SAR1B: variants seen among roughly 807,000 people sequenced by gnomAD.
SAR1B encodes small COPII coat GTPase SAR1B.
SAR1B carries 23 observed loss-of-function variants against 26.8 expected under a neutral mutation model. The ratio of observed to expected loss-of-function variants is 0.86; its 90% CI spans 0.62 to 1.22. The LOEUF (loss-of-function observed/expected upper bound fraction) is 1.22. Among genes scored for constraint, SAR1B ranks in the 50% most tolerant of loss-of-function variants. The pLI is 0.00. For missense variants in SAR1B, 196 were observed against 232.8 expected (o/e 0.84, Z 1.03); for synonymous variants, 65 against 80.8 (o/e 0.80, Z 1.05).
At position 134,609,604 on chromosome 5, in the gene SAR1B, G is replaced by A. The variant is rs757362450; in HGVS notation, c.315C>T (p.His105=). ...CTTCTTTTGACTCTAACAGCCTTTC[G>A]TGGTCTGCACAATCCACCAGAAATA... ...GIVFLVDCAD[H]ERLLESKEEL... is the part of the protein sequence containing the mutation. The change falls in exon 5 of 7, where the codon CAC becomes CAT. Residue 105 remains histidine, a synonymous_variant. Transcript: ENST00000402673. The A allele has an allele frequency of 8.1e-6, 13 of 1,613,868 alleles. No individual in the cohort carries two copies. In the East Asian group the frequency reaches 1.1e-4, roughly 14 times the overall value.
chr5:134,627,091 G>A (rs1280917331), intron 1 of SAR1B, among the ~76,000 whole-genome samples: 2 of 151,378 alleles, frequency 1.3e-5, no homozygotes, highest in African/African-American at 4.9e-5. Flanking sequence ...CTCGCCTGTC[G>A]CCCAGGATGG....
chr5:134,610,304 A>G (rs961555452), intron 4 of SAR1B, among the ~76,000 whole-genome samples: 2 of 151,970 alleles, frequency 1.3e-5, no homozygotes, highest in Admixed American at 6.6e-5. Flanking sequence ...TCATCTCTAC[A>G]AAAAAACACA....
intron 1 of SAR1B, among the ~76,000 whole-genome samples, chr5:134,628,913 C>T (rs1765548911): frequency 6.6e-6 from 1 of 151,982 alleles, no homozygotes; most frequent in African/African-American, 2.4e-5. Context: ...CTCGGTGTCC[C>T]AAAGTGCTGG....
intron 4 of SAR1B, among the ~76,000 whole-genome samples, chr5:134,612,291 AC>A (rs1295192241): frequency 6.6e-6 from 1 of 152,132 alleles, no homozygotes; most frequent in African/African-American, 2.4e-5. Flanking sequence ...CATGAAAATC[AC>A]CCTTTGCTTT....
chr5:134,613,373 A>G (rs1765252148), intron 3 of SAR1B: 1 of 152,302 alleles, frequency 6.6e-6, no homozygotes. Flanking sequence ...CCTTTACAGC[A>G]CCAGGGAACA....
In SAR1B at chr5:134,601,321, T is replaced by C. The variant is rs909803242; in HGVS notation, c.*5629A>G. On this transcript the variant is annotated 3_prime_UTR_variant, in exon 7 of 7. Transcript: ENST00000402673. ...ACACAAAGTTAAACAGAAACATCTT[T>C]ATATAAATTATCCTTAATAATCTGT... 1 of 152,200 alleles carries C rather than the reference T, an allele frequency of 6.6e-6. No individual in the cohort carries two copies. Among genetic ancestry groups the C allele is most frequent in the Non-Finnish European group, 1.5e-5 (1 of 68,038 alleles). 9.4% of individuals were successfully genotyped at this position (152,200 alleles called of 1,614,324 possible).
rs1765101733 is a variant in SAR1B, at chr5:134,604,764, T to A, written c.*2186A>T. ...GCTAGAGAAACCAGTATGTTTTTTT[T>A]TCATTTATACCCATTTACAACACAA... On this transcript the variant is annotated 3_prime_UTR_variant, in exon 7 of 7. Transcript: ENST00000402673. 6.6e-6 allele frequency: 1 copy of A among 152,210 alleles called. No individual in the cohort carries two copies. Among genetic ancestry groups the A allele is most frequent in the Non-Finnish European group, 1.5e-5 (1 of 68,038 alleles). The allele number at this position is 152,210 out of a possible 1,614,324, so 9.4% of individuals were successfully genotyped here.
intron 1 of SAR1B, among the ~76,000 whole-genome samples, chr5:134,630,344 A>T (rs1260115218): frequency 1.3e-5 from 2 of 151,362 alleles, no homozygotes; most frequent in Non-Finnish European, 2.9e-5. Flanking sequence ...AATCCCAGCT[A>T]CTCGGGAGGC....
At chr5:134,617,051 T>C in intron 3 of SAR1B, among the ~76,000 whole-genome samples, 1 of 152,022 alleles carries the variant, frequency 6.6e-6, no homozygotes, top group Non-Finnish European at 1.5e-5. Flanking sequence ...AGCAACATGG[T>C]GAAACCCTAT....
Position 134,612,684 on chromosome 5 carries a change from A to AATTAAAT in SAR1B, c.244+6_244+7insATTTAAT. ...AAAAAAAAAAAAAAAAAAAAAAAGAATCTTACCTTGAACATGTCCACCCAG... is the reference window on the plus strand; with the variant it reads ...AAAAAAAAAAAAAAAAAAAAAAAGAAATTAAATTCTTACCTTGAACATGTCCACCCAG... On this transcript the variant is annotated splice_region_variant and intron_variant, in intron 4 of 6. Transcript: ENST00000402673. 1 of 1,017,748 alleles carries AATTAAAT rather than the reference A, an allele frequency of 9.8e-7. No homozygotes were observed. The highest frequency in any genetic ancestry group is 1.4e-6 in the Non-Finnish European group (1 of 711,304). The allele number at this position is 1,017,748 out of a possible 1,614,324, so 63.0% of individuals were successfully genotyped here. A position where few individuals can be genotyped will look rare whatever the true frequency, so the allele number is the denominator to read the frequency against.
chr5:134,630,895 T>TC, intron 1 of SAR1B, among the ~76,000 whole-genome samples: 6 of 138,590 alleles, frequency 4.3e-5, no homozygotes, highest in African/African-American at 1.6e-4. Flanking sequence ...TTTTCTTTTT[T>TC]TTTTTTTTTT....
chr5:134,621,192 G>T (rs1166305130), intron 2 of SAR1B, 140 bp from the exon 3 acceptor site: 1 of 928,448 alleles, frequency 1.1e-6, no homozygotes, highest in African/African-American at 1.6e-5. Flanking sequence ...ATTCATGGCC[G>T]GGCACGGTGG....
chr5:134,621,630 G>GT (rs1258174726), intron 2 of SAR1B, among the ~76,000 whole-genome samples: 8 of 152,030 alleles, frequency 5.3e-5, no homozygotes, highest in African/African-American at 1.9e-4. Context: ...AATTTTAGAA[G>GT]TATCAATCAG....
At chr5:134,627,804 ATAAATAAAT>A (rs1765521597) in intron 1 of SAR1B, among the ~76,000 whole-genome samples, 1 of 23,918 alleles carries the variant, frequency 4.2e-5, no homozygotes, top group African/African-American at 1.1e-4. Context: ...ATCCCAAAAA[ATAAATAAAT>A]AAATAAATAA....
At chr5:134,607,187 TAA>T in intron 6 of SAR1B, 121 bp from the exon 7 acceptor site, 1 of 779,816 alleles carries the variant, frequency 1.3e-6, no homozygotes, top group Non-Finnish European at 2.3e-6. Context: ...ATGACTGTGA[TAA>T]AGTCGTGGCT....
chr5:134,624,034 G>A lies in SAR1B; in HGVS notation c.-15C>T. On this transcript the variant is annotated 5_prime_UTR_variant, in exon 2 of 7. Transcript: ENST00000402673. Reference sequence around the variant, plus strand: ...ATGAAGGACATATCCAAATCTGATAGGGTCTGAAAAAAAAGAGTTTGAATT... The same window carrying A: ...ATGAAGGACATATCCAAATCTGATAAGGTCTGAAAAAAAAGAGTTTGAATT... 6.3e-7 allele frequency: 1 copy of A among 1,591,996 alleles called. No individual in the cohort carries two copies. The highest frequency in any genetic ancestry group is 8.6e-7 in the Non-Finnish European group (1 of 1,160,000).
At position 134,621,298 on chromosome 5, in the gene SAR1B, C is replaced by A. The variant is rs543469000; in HGVS notation, c.59-246G>T. 3.3e-5 allele frequency among the ~76,000 whole-genome samples: 5 copies of A among 151,988 alleles called. No homozygotes were observed. In the South Asian group the frequency reaches 1.0e-3, roughly 32 times the overall value. ...CAGCCTGGCCAACACGGTGAAACCC[C>A]GTCTCTACTGAAAATACAAAAATTA... On this transcript the variant is annotated intron_variant, in intron 2 of 6. Transcript: ENST00000402673.
At position 134,612,535 on chromosome 5, in the gene SAR1B, T is replaced by C. The variant is rs139701129; in HGVS notation, c.244+156A>G. Among the ~76,000 whole-genome samples the C allele has an allele frequency of 2.5e-4, 37 of 150,320 alleles. No individual in the cohort carries two copies. In the East Asian group the frequency reaches 5.5e-3, roughly 22 times the overall value. Reference sequence around the variant, plus strand: ...TGGCACATGCCTGTAATCCCAGCTATTGGGGAGGCTGAGGCATGAGGATTG... The same window carrying C: ...TGGCACATGCCTGTAATCCCAGCTACTGGGGAGGCTGAGGCATGAGGATTG... On this transcript the variant is annotated intron_variant, in intron 4 of 6. Coordinates refer to ENST00000402673, the MANE Select transcript of SAR1B (RefSeq NM_016103.4).
At chr5:134,607,980 T>A (rs185620944) in intron 6 of SAR1B, among the ~76,000 whole-genome samples, 48 of 152,330 alleles carry the variant, frequency 3.2e-4, no homozygotes, top group Admixed American at 2.8e-3. Flanking sequence ...AAAGTATATG[T>A]TCAGAAAACC....
Sources: gnomAD v4.1 joint callset for allele counts (sites outside exome capture counted in the v4.1 genomes callset) on GRCh38, gnomAD v4.1.1 for gene constraint, MANE v1.5 for transcripts, NCBI Gene and HGNC (gene_info 2026-07-23, HGNC 2026-07-21) for gene names.